PTPRG: variants seen among roughly 807,000 people sequenced by gnomAD.
PTPRG encodes protein tyrosine phosphatase receptor type G, also known as receptor-type tyrosine-protein phosphatase gamma.
PTPRG carries 102 observed loss-of-function variants against 165.3 expected under a neutral mutation model. The observed-to-expected ratio is 0.62, with a 90% CI of 0.53 to 0.73. The LOEUF (loss-of-function observed/expected upper bound fraction) is 0.73. PTPRG is among the 30% of genes least tolerant of loss of function. PTPRG has a pLI of 0.00. For synonymous variants in PTPRG, 675 were observed against 669.5 expected, an observed-to-expected ratio of 1.01 and a Z score of -0.13; for missense variants, 1,866 against 1,861.4, an observed-to-expected ratio of 1.00 and a Z score of -0.05.
intron 2 of PTPRG, among the ~76,000 whole-genome samples, chr3:61,887,498 A>G (rs778510186): frequency 5.9e-5 from 9 of 152,188 alleles, no homozygotes; most frequent in Non-Finnish European, 1.3e-4. Flanking sequence ...AGGAAAACAA[A>G]ACAAAAAACC....
intron 1 of PTPRG, among the ~76,000 whole-genome samples, chr3:61,659,784 C>T (rs1271756364): frequency 5.3e-5 from 8 of 152,116 alleles, no homozygotes; most frequent in African/African-American, 1.9e-4. Flanking sequence ...CCAAATAATA[C>T]TAGTTTTTAA....
At chr3:61,697,627 C>T (rs765095833) in intron 1 of PTPRG, among the ~76,000 whole-genome samples, 1 of 152,190 alleles carries the variant, frequency 6.6e-6, no homozygotes, top group Non-Finnish European at 1.5e-5. Flanking sequence ...TGCAGTTCTG[C>T]TCCTTACCTT....
intron 13 of PTPRG, among the ~76,000 whole-genome samples, chr3:62,220,930 T>G (rs1048030588): frequency 6.6e-6 from 1 of 152,168 alleles, no homozygotes; most frequent in African/African-American, 2.4e-5. Context: ...AGATTGTTTC[T>G]GACTGGCCCA....
intron 2 of PTPRG, among the ~76,000 whole-genome samples, chr3:61,767,269 T>TAAAAAAAAAAAAAAA (rs2034055692): frequency 1.1e-5 from 1 of 93,416 alleles, no homozygotes; most frequent in East Asian, 5.4e-4. Flanking sequence ...AAAGTAGAAT[T>TAAAAAAAAAAAAAAA]ATCAAACTCC....
intron 2 of PTPRG, among the ~76,000 whole-genome samples, chr3:61,784,139 T>C (rs1443787376): frequency 3.9e-5 from 6 of 152,112 alleles, no homozygotes; most frequent in Non-Finnish European, 7.4e-5. Flanking sequence ...GAGCAGTGGG[T>C]GAGCCAGAAA....
At chr3:61,872,488 A>G (rs1045073963) in intron 2 of PTPRG, among the ~76,000 whole-genome samples, 3 of 152,184 alleles carry the variant, frequency 2.0e-5, no homozygotes, top group Non-Finnish European at 4.4e-5. Context: ...CCGAACTCCA[A>G]ATTCCCCATC....
chr3:61,993,288 G>A (rs1202723614), intron 3 of PTPRG, among the ~76,000 whole-genome samples: 1 of 151,780 alleles, frequency 6.6e-6, no homozygotes, highest in Non-Finnish European at 1.5e-5. Flanking sequence ...TGTGATCTCA[G>A]CTCACCGCAA....
At chr3:61,739,181 CCT>C (rs1467136430) in intron 1 of PTPRG, 1 of 151,626 alleles carries the variant, frequency 6.6e-6, no homozygotes, top group Non-Finnish European at 1.5e-5. Flanking sequence ...GAAATCTGTT[CCT>C]GGTTGTGATC....
chr3:62,004,073 T>C (rs1315773021), intron 4 of PTPRG, among the ~76,000 whole-genome samples: 1 of 152,124 alleles, frequency 6.6e-6, no homozygotes. Flanking sequence ...GTGCACTAGG[T>C]CAGATGCTGC....
intron 2 of PTPRG, among the ~76,000 whole-genome samples, chr3:61,817,968 T>A (rs1238728827): frequency 6.6e-6 from 1 of 151,936 alleles, no homozygotes; most frequent in Admixed American, 6.6e-5. Flanking sequence ...ATAGACAAGG[T>A]TCAGATAACA....
At chr3:61,877,521 T>G (rs1387910318) in intron 2 of PTPRG, among the ~76,000 whole-genome samples, 1 of 152,148 alleles carries the variant, frequency 6.6e-6, no homozygotes, top group Non-Finnish European at 1.5e-5. Context: ...GACCAACCAA[T>G]TCACAGAAAT....
intron 1 of PTPRG, among the ~76,000 whole-genome samples, chr3:61,635,545 G>T (rs1023019796): frequency 7.9e-5 from 12 of 151,696 alleles, no homozygotes; most frequent in Admixed American, 7.2e-4. Flanking sequence ...TTTTGTAGAG[G>T]TGGGGTTTCA....
chr3:62,212,540 G>A (rs1032939557), intron 12 of PTPRG, among the ~76,000 whole-genome samples: 1 of 152,108 alleles, frequency 6.6e-6, no homozygotes, highest in Non-Finnish European at 1.5e-5. Flanking sequence ...CAAAAGACCC[G>A]AGTTAGTGTT....
chr3:61,672,689 G>A (rs1291061451), intron 1 of PTPRG, among the ~76,000 whole-genome samples: 2 of 150,380 alleles, frequency 1.3e-5, no homozygotes, highest in East Asian at 2.0e-4. Context: ...GCTTCGGCTC[G>A]GCATCAGAGG....
intron 1 of PTPRG, among the ~76,000 whole-genome samples, chr3:61,745,287 T>C (rs984636287): frequency 6.6e-6 from 1 of 152,120 alleles, no homozygotes; most frequent in South Asian, 2.1e-4. Context: ...GACCTCATGA[T>C]CCGCCCACCT....
Position 62,140,114 on chromosome 3 carries a change from C to T in PTPRG, c.682+7446C>T, listed in dbSNP as rs143953526. Among the ~76,000 whole-genome samples the T allele has an allele frequency of 1.4e-4, 21 of 152,294 alleles. No homozygotes were observed. The East Asian group carries it at 4.1e-3, about 30-fold the overall frequency. ...ACAATTGCTGTTGCATCACCAGCCA[C>T]ACATTCACTGTTTAAAAAGAAACCG... On this transcript the variant is annotated intron_variant, in intron 6 of 29. Transcript: ENST00000474889.
At chr3:62,262,612 C>A in intron 16 of PTPRG, 186 bp from the exon 17 acceptor site, 1 of 450,952 alleles carries the variant, frequency 2.2e-6, no homozygotes, top group Middle Eastern at 3.4e-4. Flanking sequence ...ATAATGAAAT[C>A]TTTATACCTT....
intron 4 of PTPRG, among the ~76,000 whole-genome samples, chr3:62,016,897 A>G (rs1285533794): frequency 6.6e-6 from 1 of 152,074 alleles, no homozygotes; most frequent in South Asian, 2.1e-4. Context: ...TTATCATTTC[A>G]TGCTCTCTCC....
chr3:61,956,344 AAGAAGAGAC>A (rs1325729531), intron 2 of PTPRG, among the ~76,000 whole-genome samples: 1 of 151,948 alleles, frequency 6.6e-6, no homozygotes, highest in Non-Finnish European at 1.5e-5. Context: ...TTCTACAGGG[AAGAAGAGAC>A]AGTTGGAGAC....
Sources: allele counts gnomAD v4.1 joint callset (sites outside exome capture counted in the v4.1 genomes callset), GRCh38; gene constraint gnomAD v4.1.1; transcripts MANE v1.5; gene names NCBI Gene and HGNC (gene_info 2026-07-23, HGNC 2026-07-21).